The following ZNF804B variants were observed in gnomAD, a reference collection of about 807,000 sequenced individuals.
The protein encoded by ZNF804B is zinc finger protein 804B.
A neutral mutation model predicts 101.4 loss-of-function variants in ZNF804B; 80 were observed. The ratio of observed to expected loss-of-function variants is 0.79; its 90% CI spans 0.66 to 0.95. The LOEUF (loss-of-function observed/expected upper bound fraction) is 0.95, where lower values mean the gene tolerates loss of function less well. Ranked by LOEUF, ZNF804B falls within the 40% of genes least tolerant of loss-of-function variation. The pLI is 0.00. For synonymous variants in ZNF804B, 622 were observed against 558.8 expected (o/e 1.11, Z -1.59); for missense variants, 1,673 against 1,561.9 (o/e 1.07, Z -1.20).
intron 2 of ZNF804B, among the ~76,000 whole-genome samples, chr7:89,261,315 G>A: frequency 6.6e-6 from 1 of 152,026 alleles, no homozygotes; most frequent in East Asian, 1.9e-4. Context: ...AAGCAGACTA[G>A]TATATACATG....
rs1214109627 is a variant in ZNF804B, at chr7:88,854,387, ATTTCTTTCTTTC to A, written c.108+94318_108+94329del. Among the ~76,000 whole-genome samples the A allele has an allele frequency of 2.2e-4, 24 of 109,256 alleles. 1 individual carries two copies. Among genetic ancestry groups the A allele is most frequent in the African/African-American group, 8.7e-4 (23 of 26,324 alleles). The allele number at this position is 109,256 out of a possible 152,430, so 71.7% of individuals were successfully genotyped here. On this transcript the variant is annotated intron_variant, in intron 1 of 3. Transcript: ENST00000333190. ...TACTGCATTTTTCTTTCTGTACTGC[ATTTCTTTCTTTC>A]TTTCTTTCTTTCTTCCTTTCTTTCT...
chr7:88,829,152 A>G (rs1791093333), intron 1 of ZNF804B, among the ~76,000 whole-genome samples: 2 of 152,096 alleles, frequency 1.3e-5, no homozygotes, highest in Admixed American at 6.6e-5. Context: ...TGGTGCCATC[A>G]TAGCTCACTG....
At chr7:89,040,756 G>A (rs1054282303) in intron 1 of ZNF804B, among the ~76,000 whole-genome samples, 3 of 152,158 alleles carry the variant, frequency 2.0e-5, no homozygotes, top group African/African-American at 2.4e-5. Flanking sequence ...TTGTAAACTG[G>A]CTTCACCAGG....
intron 1 of ZNF804B, among the ~76,000 whole-genome samples, chr7:89,163,155 T>C (rs1450644471): frequency 6.6e-6 from 1 of 152,140 alleles, no homozygotes; most frequent in East Asian, 1.9e-4. Flanking sequence ...AGTAAACACA[T>C]GGGAACATAT....
intron 1 of ZNF804B, among the ~76,000 whole-genome samples, chr7:89,008,150 C>T (rs1173084615): frequency 6.6e-6 from 1 of 152,080 alleles, no homozygotes; most frequent in African/African-American, 2.4e-5. Context: ...TGAAATGATG[C>T]CCAGTAATTT....
chr7:88,986,135 A>G (rs961894506), intron 1 of ZNF804B, among the ~76,000 whole-genome samples: 2 of 152,120 alleles, frequency 1.3e-5, no homozygotes, highest in African/African-American at 4.8e-5. Context: ...TCAAAGCAAC[A>G]AAGCCAAGAC....
At chr7:89,113,168 G>A (rs1790246059) in intron 1 of ZNF804B, among the ~76,000 whole-genome samples, 1 of 152,154 alleles carries the variant, frequency 6.6e-6, no homozygotes, top group African/African-American at 2.4e-5. Flanking sequence ...ACAATCCACA[G>A]CAGATGAGGT....
intron 1 of ZNF804B, among the ~76,000 whole-genome samples, chr7:89,190,464 G>T (rs538117238): frequency 2.0e-4 from 31 of 152,196 alleles, no homozygotes; most frequent in African/African-American, 7.2e-4. Flanking sequence ...AAAGAAAGTG[G>T]TTTCTTGACA....
chr7:89,047,178 A>G (rs1789123220), intron 1 of ZNF804B, among the ~76,000 whole-genome samples: 2 of 152,178 alleles, frequency 1.3e-5, no homozygotes, highest in South Asian at 4.1e-4. Flanking sequence ...TTGTAACAAC[A>G]GCAAACATCG....
At chr7:88,998,356 A>G (rs1788229646) in intron 1 of ZNF804B, among the ~76,000 whole-genome samples, 2 of 152,076 alleles carry the variant, frequency 1.3e-5, no homozygotes, top group Non-Finnish European at 2.9e-5. Context: ...GAAAGCATGC[A>G]TGCAGGTGAC....
At chr7:89,325,456 A>T (rs1790883181) in intron 2 of ZNF804B, among the ~76,000 whole-genome samples, 1 of 152,018 alleles carries the variant, frequency 6.6e-6, no homozygotes, top group African/African-American at 2.4e-5. Context: ...AAAAAAATTG[A>T]TTTGTTGATT....
At chr7:89,015,083 C>A (rs1788525387) in intron 1 of ZNF804B, among the ~76,000 whole-genome samples, 1 of 152,066 alleles carries the variant, frequency 6.6e-6, no homozygotes, top group African/African-American at 2.4e-5. Flanking sequence ...ATCAAGTGTT[C>A]CCAGAACAAC....
rs760898803 is a variant in ZNF804B, at chr7:89,334,880, G to A, written c.1898G>A (p.Arg633Lys). 1.9e-6 allele frequency: 3 copies of A among 1,613,698 alleles called. No homozygotes were observed. Among genetic ancestry groups the A allele is most frequent in the Non-Finnish European group, 2.5e-6 (3 of 1,179,856 alleles). ...EDLSFPSYIS[R>K]FKKHKLIPCS... ...CTATCTTTTCCTTCCTACATCTCTAGGTTTAAAAAGCATAAATTGATTCCC... is the reference window on the plus strand; with the variant it reads ...CTATCTTTTCCTTCCTACATCTCTAAGTTTAAAAAGCATAAATTGATTCCC... The change falls in exon 4 of 4, where the codon AGG becomes AAG. Residue 633 changes from arginine (R) to lysine (K), a missense_variant. Arg to Lys is a conservative substitution (Grantham distance 26, BLOSUM62 2). Transcript: ENST00000333190.
intron 1 of ZNF804B, among the ~76,000 whole-genome samples, chr7:88,825,827 T>TATCC (rs1791043913): frequency 2.0e-5 from 3 of 152,156 alleles, no homozygotes; most frequent in African/African-American, 7.2e-5. Context: ...TCTCATCCAA[T>TATCC]ATCCACCAAG....
intron 1 of ZNF804B, among the ~76,000 whole-genome samples, chr7:88,778,833 A>C (rs964080270): frequency 3.7e-4 from 57 of 152,324 alleles, no homozygotes; most frequent in African/African-American, 1.3e-3. Context: ...GATATGCATA[A>C]GGTATCCATG....
chr7:89,278,193 G>A (rs745340864), intron 2 of ZNF804B, among the ~76,000 whole-genome samples: 45 of 150,626 alleles, frequency 3.0e-4, no homozygotes, highest in Middle Eastern at 3.2e-3. Flanking sequence ...TTTTTGATGG[G>A]GTTGTTTGTT....
At chr7:88,915,072 G>A (rs1228600865) in intron 1 of ZNF804B, among the ~76,000 whole-genome samples, 1 of 152,042 alleles carries the variant, frequency 6.6e-6, no homozygotes, top group Non-Finnish European at 1.5e-5. Flanking sequence ...AACAGGAGTT[G>A]TGTTAGAAAT....
intron 1 of ZNF804B, among the ~76,000 whole-genome samples, chr7:88,885,430 TA>T (rs1792111422): frequency 6.6e-6 from 1 of 151,500 alleles, no homozygotes; most frequent in African/African-American, 2.4e-5. Flanking sequence ...GGCTAAACAA[TA>T]CAATATTGCT....
At chr7:88,885,502 A>G (rs1440293574) in intron 1 of ZNF804B, among the ~76,000 whole-genome samples, 2 of 151,572 alleles carry the variant, frequency 1.3e-5, no homozygotes, top group Admixed American at 6.6e-5. Flanking sequence ...ATCATTTTCT[A>G]TTAGAGAATT....
Sources: gnomAD v4.1 joint callset for allele counts (sites outside exome capture counted in the v4.1 genomes callset) on GRCh38, gnomAD v4.1.1 for gene constraint, MANE v1.5 for transcripts, NCBI Gene and HGNC (gene_info 2026-07-23, HGNC 2026-07-21) for gene names.